Variants in VAV2 observed in about 807,000 individuals in gnomAD.
VAV2 encodes guanine nucleotide exchange factor VAV2.
A neutral mutation model predicts 132.5 loss-of-function variants in VAV2; 67 were observed. That is an observed-to-expected ratio of 0.51 (90% confidence interval 0.42 to 0.62). VAV2 has a LOEUF of 0.62. Ranked by LOEUF, VAV2 falls within the 20% of genes least tolerant of loss-of-function variation. The pLI, the probability that VAV2 is intolerant of heterozygous loss-of-function variation, is 0.00. For missense variants in VAV2, 938 were observed against 1,153.6 expected (o/e 0.81, Z 2.71); for synonymous variants, 492 against 443.5 (o/e 1.11, Z -1.37).
intron 3 of VAV2, among the ~76,000 whole-genome samples, chr9:133,837,706 AT>A (rs1208204168): frequency 2.0e-5 from 3 of 151,818 alleles, no homozygotes; most frequent in Non-Finnish European, 4.4e-5. Flanking sequence ...CTCAAAAAAA[AT>A]AAATTAAAAA....
At chr9:133,807,407 A>G (rs2428089) in intron 7 of VAV2, 81 bp from the exon 8 acceptor site, 527,544 of 1,445,506 alleles carry the variant, frequency 0.36, 101,736 homozygotes, top group African/African-American at 0.7. Context: ...GGAGGGTCCC[A>G]GGGCAGCTCC....
chr9:133,790,801 TTC>T (rs2131618090), intron 13 of VAV2, among the ~76,000 whole-genome samples: 1 of 152,268 alleles, frequency 6.6e-6, no homozygotes, highest in Admixed American at 6.5e-5. Flanking sequence ...GCGGAGGGCA[TTC>T]TCTTTGTGCT....
rs192891178 is a variant in VAV2, at chr9:133,834,980, C to A, written c.381-640G>T. ...CCATGGGGTCTCCCCAGAAGGAACG[C>A]GGCGGTGCTCCCCCACACTCCGCCC... is the stretch of plus-strand genomic sequence containing the variant. On this transcript the variant is annotated intron_variant, in intron 3 of 29. Coordinates refer to ENST00000371850, the MANE Select transcript of VAV2 (RefSeq NM_001134398.2). This position sits in a 1 kb window ranked among gnomAD's most constrained non-coding sequence, Gnocchi z 5.9. Among the ~76,000 whole-genome samples the A allele has an allele frequency of 6.6e-6, 1 of 152,292 alleles. No individual in the cohort carries two copies. The highest frequency in any genetic ancestry group is 1.9e-4 in the East Asian group (1 of 5,176).
intron 1 of VAV2, among the ~76,000 whole-genome samples, chr9:133,954,263 CCCATCTGT>C (rs1255369909): frequency 1.3e-5 from 2 of 152,206 alleles, no homozygotes; most frequent in African/African-American, 2.4e-5. Flanking sequence ...TGTCCATCTG[CCCATCTGT>C]CCATCCGCCC....
Position 133,776,062 on chromosome 9 carries a change from G to A in VAV2, c.1984C>T (p.Pro662Ser). ...GCAGTGTAGTCGATCTCCCGGGATG[G>A]CGGCCGGCTGATGGGCGGCTGGTGG... ...VDGRPPISRP[P>S]SREIDYTAYP... Residue 662 changes from proline (P) to serine (S), a missense_variant, in exon 24 of 30, where the codon CCA becomes TCA. Pro to Ser is a moderately conservative substitution (Grantham distance 74). Transcript: ENST00000371850. 6 of 1,613,242 alleles carry A rather than the reference G, an allele frequency of 3.7e-6. No individual in the cohort carries two copies. Among genetic ancestry groups the A allele is most frequent in the Admixed American group, 1.7e-5 (1 of 60,008 alleles).
chr9:133,852,214 A>C (rs1837216237), intron 3 of VAV2, among the ~76,000 whole-genome samples: 2 of 151,846 alleles, frequency 1.3e-5, no homozygotes, highest in Non-Finnish European at 1.5e-5. Flanking sequence ...TGATGAATAG[A>C]CAGGGAGATG....
intron 4 of VAV2, among the ~76,000 whole-genome samples, chr9:133,825,009 C>T (rs914905262): frequency 2.0e-5 from 3 of 152,198 alleles, no homozygotes; most frequent in South Asian, 2.1e-4. Context: ...AGAGTCACAC[C>T]GAGGAGCAAG....
intron 4 of VAV2, among the ~76,000 whole-genome samples, chr9:133,821,772 C>G (rs1835796110): frequency 6.6e-6 from 1 of 152,168 alleles, no homozygotes. Context: ...CATGAGGAGG[C>G]CCGAGATGGC....
At position 133,911,924 on chromosome 9, in the gene VAV2, C is replaced by CT. The variant is rs1051520944; in HGVS notation, c.321+27178dup. Among the ~76,000 whole-genome samples the CT allele has an allele frequency of 3.3e-5, 5 of 151,914 alleles. No individual in the cohort carries two copies. The South Asian group carries it at 8.3e-4, about 25-fold the overall frequency. The stretch of plus-strand genomic sequence containing the variant: ...AGGCCAAGAAAGTAAGTCAGATTTT[C>CT]TTTTTTTTTATTTCCAACTTTTAAG... On this transcript the variant is annotated intron_variant, in intron 2 of 29. Transcript: ENST00000371850.
At chr9:133,800,588 C>T (rs1834892025) in intron 9 of VAV2, among the ~76,000 whole-genome samples, 1 of 152,208 alleles carries the variant, frequency 6.6e-6, no homozygotes, top group Admixed American at 6.5e-5. Context: ...CCCAGTCCCT[C>T]CCTGTCGAGG....
intron 15 of VAV2, 83 bp from the exon 16 acceptor site, chr9:133,787,343 A>C (rs2258889): frequency 1.4e-6 from 2 of 1,401,968 alleles, no homozygotes; most frequent in South Asian, 1.8e-5. Flanking sequence ...CGCAGTGTGG[A>C]GGCGCCAGGA....
intron 2 of VAV2, among the ~76,000 whole-genome samples, chr9:133,889,917 C>T (rs1357894363): frequency 1.3e-5 from 2 of 152,206 alleles, no homozygotes; most frequent in African/African-American, 4.8e-5. Context: ...ATTAGTGTTT[C>T]CCATGAATAA....
At chr9:133,815,770 T>TTGTGTG (rs570351071) in intron 4 of VAV2, among the ~76,000 whole-genome samples, 2 of 152,156 alleles carry the variant, frequency 1.3e-5, no homozygotes, top group African/African-American at 4.8e-5. Flanking sequence ...AGCATTCAAG[T>TTGTGTG]TGTGTGTGTG....
rs773103360 is a variant in VAV2, at chr9:133,783,521, T to A, written c.1705A>T (p.Ile569Leu). ...VGAHKECLEVIPPCKFTSPAD... is the reference protein window; with the variant it reads ...VGAHKECLEVLPPCKFTSPAD... ...TACTCACTGAACTTGCAGGGAGGTA[T>A]CACTTCCAGGCACTCCTTGTGTGCC... The change falls in exon 19 of 30, where the codon ATA becomes TTA. Residue 569 changes from isoleucine to leucine, a missense_variant. By Grantham distance (5) the Ile-to-Leu change is conservative (BLOSUM62 2). Coordinates refer to ENST00000371850, the MANE Select transcript of VAV2 (RefSeq NM_001134398.2). 9 of 1,613,730 alleles carry A rather than the reference T, an allele frequency of 5.6e-6. No individual in the cohort carries two copies. The highest frequency in any genetic ancestry group is 5.9e-6 in the Non-Finnish European group (7 of 1,179,920).
At chr9:133,900,932 T>C (rs996805809) in intron 2 of VAV2, among the ~76,000 whole-genome samples, 1 of 150,652 alleles carries the variant, frequency 6.6e-6, no homozygotes, top group Non-Finnish European at 1.5e-5. Flanking sequence ...CCCGAGAAGC[T>C]GGGATTACAG....
At position 133,834,486 on chromosome 9, in the gene VAV2, G is replaced by A. The variant is rs991138174; in HGVS notation, c.381-146C>T. 5 of 807,180 alleles carry A rather than the reference G, an allele frequency of 6.2e-6. No individual in the cohort carries two copies. Among genetic ancestry groups the A allele is most frequent in the East Asian group, 2.7e-5 (1 of 37,230 alleles). 50.0% of individuals were successfully genotyped at this position (807,180 alleles called of 1,614,324 possible). On this transcript the variant is annotated intron_variant, in intron 3 of 29. Coordinates refer to ENST00000371850, the MANE Select transcript of VAV2 (RefSeq NM_001134398.2). This position sits in a 1 kb window ranked among gnomAD's most constrained non-coding sequence, Gnocchi z 5.9. Reference sequence around the variant, plus strand: ...CACTCTCTGGAAGGACACAGGGTGCGCGGACACTGATCGGAGTCACAGGAC... The same window carrying A: ...CACTCTCTGGAAGGACACAGGGTGCACGGACACTGATCGGAGTCACAGGAC...
At position 133,824,730 on chromosome 9, in the gene VAV2, C is replaced by G. The variant is rs1835918217; in HGVS notation, c.449+9542G>C. The stretch of plus-strand genomic sequence containing the variant: ...GGCAGGGAGGGCTCCTTTAGCCACC[C>G]CTGGGGTTAGGGAGGGGTGGTCTGA... On this transcript the variant is annotated intron_variant, in intron 4 of 29. Transcript: ENST00000371850. The surrounding 1 kb of genome is among the most constrained non-coding windows in gnomAD (Gnocchi z 5.2). Among the ~76,000 whole-genome samples, 1 of 152,066 alleles carries G rather than the reference C, an allele frequency of 6.6e-6. No individual in the cohort carries two copies. Among genetic ancestry groups the G allele is most frequent in the Non-Finnish European group, 1.5e-5 (1 of 67,964 alleles).
intron 1 of VAV2, among the ~76,000 whole-genome samples, chr9:133,952,130 G>A (rs919645257): frequency 3.9e-5 from 6 of 151,992 alleles, no homozygotes; most frequent in South Asian, 2.1e-4. Context: ...TCCTAATAAC[G>A]TCACATTTTG....
In VAV2 at chr9:133,794,535, G is replaced by T. The variant is rs1464203700; in HGVS notation, c.1101+1133C>A. 1.3e-5 allele frequency among the ~76,000 whole-genome samples: 2 copies of T among 152,194 alleles called. No homozygotes were observed. Among genetic ancestry groups the T allele is most frequent in the Non-Finnish European group, 1.5e-5 (1 of 68,040 alleles). ...CAGCTATAGACAGAGACAGATTACA[G>T]CCCCTCCCCCACCCAGAGGGAGCTC... On this transcript the variant is annotated intron_variant, in intron 12 of 29. Transcript: ENST00000371850. This position sits in a 1 kb window ranked among gnomAD's most constrained non-coding sequence, Gnocchi z 4.6.
Sources: allele counts gnomAD v4.1 joint callset (sites outside exome capture counted in the v4.1 genomes callset), GRCh38; gene constraint gnomAD v4.1.1; non-coding constraint Gnocchi (gnomAD v3.1); transcripts MANE v1.5; gene names NCBI Gene and HGNC (gene_info 2026-07-23, HGNC 2026-07-21).